The following MITD1 variants were observed in gnomAD, a reference collection of about 807,000 sequenced individuals.
The protein encoded by MITD1 is MIT domain-containing protein 1.
Under a neutral mutation model 34.9 loss-of-function variants are expected in MITD1, and 24 were observed. That is an observed-to-expected ratio of 0.69 (90% CI 0.50 to 0.97). The LOEUF (loss-of-function observed/expected upper bound fraction) is 0.97, where lower values mean the gene tolerates loss of function less well. MITD1 is among the 50% of genes least tolerant of loss of function. The pLI, the probability that MITD1 is intolerant of heterozygous loss-of-function variation, is 0.00. For missense variants in MITD1, 266 were observed against 294.6 expected, an observed-to-expected ratio of 0.90 and a Z score of 0.71; for synonymous variants, 102 against 101.4, an observed-to-expected ratio of 1.01 and a Z score of -0.04.
rs374906232 is a variant in MITD1 at position 99,171,299 on chromosome 2, T to C, written c.477+44A>G. 53 of 1,419,512 alleles carry C rather than the reference T, an allele frequency of 3.7e-5. No homozygotes were observed. In the African/African-American group the frequency reaches 7.5e-4, roughly 20 times the overall value. 87.9% of individuals were successfully genotyped at this position (1,419,512 alleles called of 1,614,324 possible). Reference sequence around the variant, plus strand: ...CCTTGACTGGACTACATCTTGTAACTGAATAAAGTTAATAAGAAAGAGTAA... The same window carrying C: ...CCTTGACTGGACTACATCTTGTAACCGAATAAAGTTAATAAGAAAGAGTAA... On this transcript the variant is annotated intron_variant, in intron 4 of 6. Coordinates refer to ENST00000289359, the MANE Select transcript of MITD1 (RefSeq NM_138798.3).
rs781536802 is a variant in MITD1 at position 99,171,414 on chromosome 2, G to A, written c.406C>T (p.Arg136Ter). The part of the protein sequence containing the change: ...RHTHQLYNFL[R>*]FCEMLIKRPC... ...CTCTTAATAAGCATCTCACAAAATC[G>A]AAGAAAGTTATACAGCTAAAAGACA... The change falls in exon 4 of 7, where the codon CGA becomes TGA. Residue 136 changes from arginine (R) to a stop codon, truncating the protein, a stop_gained. Transcript: ENST00000289359. LOFTEE classifies it high-confidence loss of function. 73 of 1,611,628 alleles carry A rather than the reference G, an allele frequency of 4.5e-5. No individual in the cohort carries two copies. The highest frequency in any genetic ancestry group is 1.2e-4 in the Admixed American group (7 of 59,986).
At position 99,162,975 on chromosome 2, in the gene MITD1, G is replaced by A; in HGVS notation, c.*4-757C>T. 1 of 1,613,704 alleles carries A rather than the reference G, an allele frequency of 6.2e-7. No individual in the cohort carries two copies. Among genetic ancestry groups the A allele is most frequent in the Non-Finnish European group, 8.5e-7 (1 of 1,179,876 alleles). ...TATTGGCAGTAAGTTTTGCCCAACT[G>A]AAACTACCATGCTAACAAATATATT... On this transcript the variant is annotated intron_variant, in intron 7 of 7. Transcript: ENST00000422537.
chr2:99,165,142 A>C (rs1398915950), downstream of MITD1, among the ~76,000 whole-genome samples: 1 of 151,912 alleles, frequency 6.6e-6, no homozygotes, highest in Non-Finnish European at 1.5e-5. Context: ...ATCTCAGCTC[A>C]CTGCAACTGC....
chr2:99,177,531 A>G (rs752627614), intron 1 of MITD1, among the ~76,000 whole-genome samples: 2 of 152,242 alleles, frequency 1.3e-5, no homozygotes, highest in Non-Finnish European at 2.9e-5. Flanking sequence ...GATATCTGTC[A>G]TCTTAAATAT....
chr2:99,171,683 C>CT, intron 2 of MITD1, 37 bp from the exon 3 acceptor site: 45 of 1,572,260 alleles, frequency 2.9e-5, no homozygotes, highest in Non-Finnish European at 3.7e-5. Context: ...AACCAGTGAC[C>CT]ATTTTTTTTT....
downstream of MITD1, among the ~76,000 whole-genome samples, chr2:99,166,093 TAAA>T (rs763171832): frequency 3.9e-5 from 6 of 151,982 alleles, no homozygotes; most frequent in African/African-American, 9.7e-5. Context: ...ATTCTTATAA[TAAA>T]CCCCTTTTTT....
At chr2:99,162,765 G>C (rs757567822) in intron 7 of MITD1, 3 of 1,614,122 alleles carry the variant, frequency 1.9e-6, no homozygotes, top group Non-Finnish European at 2.5e-6. Context: ...GCAAACTTGG[G>C]AGTGGATATA....
At chr2:99,167,259 TAGAG>T (rs1043404336), downstream of MITD1, among the ~76,000 whole-genome samples, 32 of 152,334 alleles carry the variant, frequency 2.1e-4, no homozygotes, top group African/African-American at 7.0e-4. Flanking sequence ...TAAATTAAGT[TAGAG>T]AGAACTGACA....
chr2:99,166,931 G>A (rs1043632439), downstream of MITD1, among the ~76,000 whole-genome samples: 2 of 139,664 alleles, frequency 1.4e-5, no homozygotes, highest in Non-Finnish European at 3.1e-5. Flanking sequence ...AATACGTTTA[G>A]ATTTCTTTGT....
At chr2:99,162,144 C>T in exon 8 of MITD1, 2 of 1,614,072 alleles carry the variant, frequency 1.2e-6, no homozygotes, top group Non-Finnish European at 1.7e-6. Flanking sequence ...CAAACCAATT[C>T]TATTCTTTTG....
In MITD1 at chr2:99,180,964, C is replaced by T; in HGVS notation, c.18G>A (p.Leu6=). Residue 6 remains leucine, a synonymous_variant, in exon 1 of 7, where the codon CTG becomes CTA. Transcript: ENST00000289359. The stretch of plus-strand genomic sequence containing the variant: ...CAGCTGTGCTCTGCGGGTCCTGCCT[C>T]AGCCCGGACTTCGCCATAATTCTGG... The part of the protein sequence containing the change: MAKSG[L]RQDPQSTAAA... The T allele has an allele frequency of 6.2e-7, 1 of 1,613,836 alleles. No individual in the cohort carries two copies. The highest frequency in any genetic ancestry group is 1.1e-5 in the South Asian group (1 of 91,008).
chr2:99,178,735 C>T (rs932913421), intron 1 of MITD1, among the ~76,000 whole-genome samples: 12 of 152,014 alleles, frequency 7.9e-5, no homozygotes, highest in African/African-American at 2.9e-4. Flanking sequence ...AGAGACAAGC[C>T]CTGAAATGCA....
chr2:99,169,582 C>G lies in MITD1; in HGVS notation c.622G>C (p.Gly208Arg), dbSNP rs1414400422. Residue 208 changes from glycine (G) to arginine (R), a missense_variant, in exon 6 of 7, where the codon GGA becomes CGA. By Grantham distance (125) the Gly-to-Arg change is moderately radical (BLOSUM62 -2). Transcript: ENST00000289359. ...RFNNGWMIKI[G>R]RGLDYFKKPQ... ...TTCTTAAAATAATCAAGTCCCCTTCCAATCTTAATCATCCATCCATTGTTG... is the reference window on the plus strand; with the variant it reads ...TTCTTAAAATAATCAAGTCCCCTTCGAATCTTAATCATCCATCCATTGTTG... 2 of 1,608,354 alleles carry G rather than the reference C, an allele frequency of 1.2e-6. No individual in the cohort carries two copies. The highest frequency in any genetic ancestry group is 1.7e-6 in the Non-Finnish European group (2 of 1,174,916).
Position 99,173,936 on chromosome 2 carries a change from ACTT to A in MITD1, c.229_231del (p.Lys77del), listed in dbSNP as rs2093872352. On this transcript the variant is annotated inframe_deletion, in exon 2 of 7. Coordinates refer to ENST00000289359, the MANE Select transcript of MITD1 (RefSeq NM_138798.3). ...TTACCTTCTTTTTCTTGGTCCAAGTACTTCTTTATGTTTTCCGCTCTGTCCATG... is the reference window on the plus strand; with the variant it reads ...TTACCTTCTTTTTCTTGGTCCAAGTACTTTATGTTTTCCGCTCTGTCCATG... 6 of 1,606,960 alleles carry A rather than the reference ACTT, an allele frequency of 3.7e-6. No individual in the cohort carries two copies. Among genetic ancestry groups the A allele is most frequent in the Non-Finnish European group, 3.4e-6 (4 of 1,174,018 alleles).
intron 4 of MITD1, among the ~76,000 whole-genome samples, chr2:99,171,116 TAACA>T (rs753368775): frequency 1.1e-4 from 17 of 152,228 alleles, no homozygotes; most frequent in Non-Finnish European, 2.1e-4. Context: ...GAGACTAAAC[TAACA>T]AACTATTTGA....
downstream of MITD1, among the ~76,000 whole-genome samples, chr2:99,164,870 G>A (rs1011911326): frequency 1.9e-5 from 2 of 106,220 alleles, no homozygotes; most frequent in Non-Finnish European, 4.9e-5. Context: ...GATATCATCA[G>A]GCAAAGGGTG....
At position 99,169,361 on chromosome 2, in the gene MITD1, T is replaced by C. The variant is rs748773879; in HGVS notation, c.*14A>G. On this transcript the variant is annotated 3_prime_UTR_variant, in exon 7 of 7. Coordinates refer to ENST00000289359, the MANE Select transcript of MITD1 (RefSeq NM_138798.3). ...CACTTAAAGTAGACATAATACAAATTAGGCTACCACCCATCATATATTTTT... is the reference window on the plus strand; with the variant it reads ...CACTTAAAGTAGACATAATACAAATCAGGCTACCACCCATCATATATTTTT... The C allele has an allele frequency of 7.7e-7, 1 of 1,305,672 alleles. No homozygotes were observed. The highest frequency in any genetic ancestry group is 1.3e-5 in the South Asian group (1 of 79,146). The allele number at this position is 1,305,672 out of a possible 1,614,324, so 80.9% of individuals were successfully genotyped here.
chr2:99,168,111 C>T, downstream of MITD1, among the ~76,000 whole-genome samples: 1 of 152,084 alleles, frequency 6.6e-6, no homozygotes, highest in Admixed American at 6.6e-5. Flanking sequence ...TTTCCTCTTA[C>T]ATATGTTAGC....
Position 99,181,041 on chromosome 2 carries a change from TCCGGG to T in MITD1, c.-65_-61del. ...TGAAGTTGAGCGGGTCTGCTGCGCT[TCCGGG>T]AAGTGGTCATGTGATACCCAGGCGC... On this transcript the variant is annotated 5_prime_UTR_variant, in exon 1 of 7. An upstream open reading frame in the 5' UTR gains an earlier in-frame stop. Transcript: ENST00000289359. 1 of 1,561,454 alleles carries T rather than the reference TCCGGG, an allele frequency of 6.4e-7. No individual in the cohort carries two copies. Among genetic ancestry groups the T allele is most frequent in the Non-Finnish European group, 8.7e-7 (1 of 1,151,856 alleles).
Sources: allele counts gnomAD v4.1 joint callset (sites outside exome capture counted in the v4.1 genomes callset), GRCh38; gene constraint gnomAD v4.1.1; transcripts MANE v1.5; gene names NCBI Gene and HGNC (gene_info 2026-07-23, HGNC 2026-07-21).